The following NCKAP5 variants were observed in gnomAD, a reference collection of about 807,000 sequenced individuals.
NCKAP5 encodes the protein nck-associated protein 5.
Under a neutral mutation model 167.0 loss-of-function variants are expected in NCKAP5, and 92 were observed. The ratio of observed to expected loss-of-function variants is 0.55; its 90% CI spans 0.47 to 0.66. The LOEUF is 0.66. Ranked by LOEUF, NCKAP5 falls within the 30% of genes least tolerant of loss-of-function variation. NCKAP5 has a pLI of 0.00. For missense variants in NCKAP5, 2,378 were observed against 2,315.0 expected (o/e 1.03, Z -0.56); for synonymous variants, 891 against 877.4 (o/e 1.02, Z -0.27).
At chr2:133,073,538 C>G (rs1464318907) in intron 6 of NCKAP5, among the ~76,000 whole-genome samples, 1 of 152,106 alleles carries the variant, frequency 6.6e-6, no homozygotes, top group Non-Finnish European at 1.5e-5. Flanking sequence ...AGAGCTAAGC[C>G]AACACTGGAA....
intron 6 of NCKAP5, among the ~76,000 whole-genome samples, chr2:133,078,111 G>A (rs1260646129): frequency 1.3e-5 from 2 of 152,194 alleles, no homozygotes; most frequent in African/African-American, 4.8e-5. Context: ...ACTAGGGAGA[G>A]TGCTGATGCC....
At chr2:133,426,977 G>C (rs946063094) in intron 3 of NCKAP5, among the ~76,000 whole-genome samples, 12 of 152,142 alleles carry the variant, frequency 7.9e-5, no homozygotes, top group African/African-American at 2.9e-4. Context: ...GGATTGGGAG[G>C]GTAGCCAGGA....
intron 3 of NCKAP5, among the ~76,000 whole-genome samples, chr2:133,438,767 G>A (rs1260119549): frequency 6.6e-6 from 1 of 152,100 alleles, no homozygotes; most frequent in African/African-American, 2.4e-5. Context: ...ATTCTCTAGG[G>A]ATATTTGATA....
At chr2:133,635,740 TG>T in the NCKAP5 span, among the ~76,000 whole-genome samples, 1 of 152,042 alleles carries the variant, frequency 6.6e-6, no homozygotes, top group Admixed American at 6.6e-5. Context: ...GGTAATAAGA[TG>T]AAAAAAATAG....
At chr2:133,068,791 C>A (rs763072071) in intron 6 of NCKAP5, among the ~76,000 whole-genome samples, 30 of 152,296 alleles carry the variant, frequency 2.0e-4, no homozygotes, top group Non-Finnish European at 3.1e-4. Context: ...TTGGAACTAA[C>A]TTCTTGCATT....
At chr2:133,377,974 C>T (rs553609338) in intron 3 of NCKAP5, among the ~76,000 whole-genome samples, 1 of 152,148 alleles carries the variant, frequency 6.6e-6, no homozygotes, top group East Asian at 1.9e-4. Context: ...CAGTCACAAG[C>T]GAGGACAAAC....
At chr2:132,981,632 C>T (rs2077145327) in intron 7 of NCKAP5, among the ~76,000 whole-genome samples, 1 of 152,150 alleles carries the variant, frequency 6.6e-6, no homozygotes, top group African/African-American at 2.4e-5. Flanking sequence ...CAGACTTATT[C>T]AATCACTGTA....
At chr2:133,078,537 C>T (rs1014035361) in intron 6 of NCKAP5, among the ~76,000 whole-genome samples, 9 of 151,994 alleles carry the variant, frequency 5.9e-5, no homozygotes, top group East Asian at 1.9e-4. Flanking sequence ...AAGGGAAATA[C>T]GGGACTGGGG....
At chr2:132,720,632 G>A (rs1689821292) in intron 19 of NCKAP5, among the ~76,000 whole-genome samples, 1 of 152,120 alleles carries the variant, frequency 6.6e-6, no homozygotes, top group African/African-American at 2.4e-5. Flanking sequence ...GGGCACAGGA[G>A]ACAGGCAGCA....
chr2:133,196,430 G>C (rs1260584400), intron 5 of NCKAP5, among the ~76,000 whole-genome samples: 1 of 152,130 alleles, frequency 6.6e-6, no homozygotes, highest in Non-Finnish European at 1.5e-5. Context: ...AGAGAACTGA[G>C]GCACACAAGC....
chr2:133,570,738 G>A (rs1299953070), upstream of NCKAP5, among the ~76,000 whole-genome samples: 2 of 152,206 alleles, frequency 1.3e-5, no homozygotes, highest in Non-Finnish European at 1.5e-5. Flanking sequence ...AAGCACCGGA[G>A]CGACAAGTCA....
chr2:132,836,718 C>G (rs1319506838), intron 11 of NCKAP5, among the ~76,000 whole-genome samples: 1 of 152,122 alleles, frequency 6.6e-6, no homozygotes, highest in Non-Finnish European at 1.5e-5. Context: ...CCCAAGTCCC[C>G]AAAGTCCATT....
At position 132,878,842 on chromosome 2, in the gene NCKAP5, C is replaced by T; in HGVS notation, c.648+6G>A. The T allele has an allele frequency of 6.2e-7, 1 of 1,611,496 alleles. No homozygotes were observed. The highest frequency in any genetic ancestry group is 8.5e-7 in the Non-Finnish European group (1 of 1,177,650). The stretch of plus-strand genomic sequence containing the variant: ...CTTGGATCAGGAGCCTCTCCATCCC[C>T]CTTACCTCATCAAGACATCGCTCAT... On this transcript the variant is annotated splice_donor_region_variant and intron_variant, in intron 9 of 19. Transcript: ENST00000409261.
rs533315323 is a variant in NCKAP5, at chr2:133,014,443, A to G, written c.342-20204T>C. 5.1e-4 allele frequency among the ~76,000 whole-genome samples: 78 copies of G among 152,358 alleles called. 1 individual carries two copies. In the South Asian group the frequency reaches 6.0e-3, roughly 12 times the overall value. ...CCATCTCCAAATGGATTCCTGCTGC[A>G]TTTTAAAACCTAATCTATATGATTC... On this transcript the variant is annotated intron_variant, in intron 6 of 19. Coordinates refer to ENST00000409261, the MANE Select transcript of NCKAP5 (RefSeq NM_207363.3).
At chr2:132,845,223 CA>C (rs1688574402) in intron 11 of NCKAP5, among the ~76,000 whole-genome samples, 1 of 152,012 alleles carries the variant, frequency 6.6e-6, no homozygotes, top group South Asian at 2.1e-4. Flanking sequence ...ATTTGTATGT[CA>C]AAAACCTTTT....
chr2:133,642,714 G>T, the NCKAP5 span, among the ~76,000 whole-genome samples: 1 of 152,210 alleles, frequency 6.6e-6, no homozygotes, highest in Non-Finnish European at 1.5e-5. Flanking sequence ...ACTACCTTCA[G>T]TGCAACCTCT....
intron 3 of NCKAP5, among the ~76,000 whole-genome samples, chr2:133,507,829 C>G (rs768224974): frequency 6.6e-6 from 1 of 152,004 alleles, no homozygotes; most frequent in African/African-American, 2.4e-5. Context: ...CAATGCAACA[C>G]GAAGTAATGA....
intron 7 of NCKAP5, among the ~76,000 whole-genome samples, chr2:132,964,173 T>A (rs1425068745): frequency 6.6e-6 from 1 of 152,200 alleles, no homozygotes; most frequent in Non-Finnish European, 1.5e-5. Context: ...ATCTGCACAA[T>A]GAAACTCAGC....
intron 3 of NCKAP5, among the ~76,000 whole-genome samples, chr2:133,504,062 G>A (rs1682778087): frequency 6.6e-6 from 1 of 151,906 alleles, no homozygotes; most frequent in South Asian, 2.1e-4. Context: ...TTTTCCATTT[G>A]CAGAGGGAAA....
Sources: gnomAD v4.1 joint callset for allele counts (sites outside exome capture counted in the v4.1 genomes callset) on GRCh38, gnomAD v4.1.1 for gene constraint, MANE v1.5 for transcripts, NCBI Gene and HGNC (gene_info 2026-07-23, HGNC 2026-07-21) for gene names.